Variants in UVRAG observed in about 807,000 individuals in gnomAD.
UVRAG encodes the protein UV radiation resistance-associated gene protein.
Under a neutral mutation model 78.0 loss-of-function variants are expected in UVRAG, and 19 were observed. That is an observed-to-expected ratio of 0.24 (90% CI 0.17 to 0.36). UVRAG has a LOEUF of 0.36. Ranked by LOEUF, UVRAG falls within the 10% of genes least tolerant of loss-of-function variation. The pLI, the probability that UVRAG is intolerant of heterozygous loss-of-function variation, is 1.00. For missense variants in UVRAG, 740 were observed against 853.8 expected (o/e 0.87, Z 1.66); for synonymous variants, 323 against 324.6 (o/e 1.00, Z 0.05).
At chr11:75,862,358 T>C (rs989270702) in intron 3 of UVRAG, among the ~76,000 whole-genome samples, 3 of 152,226 alleles carry the variant, frequency 2.0e-5, no homozygotes, top group Non-Finnish European at 4.4e-5. Context: ...AATATCCTAC[T>C]TTTGATAATG....
At chr11:75,855,788 C>A (rs1217866179) in intron 2 of UVRAG, among the ~76,000 whole-genome samples, 1 of 152,098 alleles carries the variant, frequency 6.6e-6, no homozygotes, top group Non-Finnish European at 1.5e-5. Context: ...AAATTTACAG[C>A]AGATCCAAAG....
intron 8 of UVRAG, among the ~76,000 whole-genome samples, chr11:75,999,216 G>A (rs1173249967): frequency 2.2e-5 from 3 of 139,374 alleles, no homozygotes; most frequent in Non-Finnish European, 4.6e-5. Context: ...CTGGGTGACC[G>A]GGCAAGACTC....
chr11:76,005,992 T>G lies in UVRAG; in HGVS notation c.912-1542T>G, dbSNP rs531133580. ...TCATTAGATCTTGTTGTGCAAGATCTCCAGCCCTCTTCTCAGAGTTTGGTG... is the reference window on the plus strand; with the variant it reads ...TCATTAGATCTTGTTGTGCAAGATCGCCAGCCCTCTTCTCAGAGTTTGGTG... On this transcript the variant is annotated intron_variant, in intron 9 of 14. Coordinates refer to ENST00000356136, the MANE Select transcript of UVRAG (RefSeq NM_003369.4). Among the ~76,000 whole-genome samples, 89 of 152,256 alleles carry G rather than the reference T, an allele frequency of 5.8e-4. No individual in the cohort carries two copies. The South Asian group carries it at 0.018, about 30-fold the overall frequency.
chr11:75,991,751 A>G (rs534392910), intron 8 of UVRAG, among the ~76,000 whole-genome samples: 3 of 152,220 alleles, frequency 2.0e-5, no homozygotes, highest in South Asian at 2.1e-4. Flanking sequence ...TAGTTCTTTA[A>G]CTGTTTCTGG....
chr11:75,876,327 G>GCT (rs1298843879), intron 3 of UVRAG, among the ~76,000 whole-genome samples: 2 of 152,142 alleles, frequency 1.3e-5, no homozygotes, highest in Admixed American at 1.3e-4. Flanking sequence ...AATTGCCAGT[G>GCT]CTCTCCATTC....
intron 1 of UVRAG, among the ~76,000 whole-genome samples, chr11:75,833,178 A>G (rs2135825645): frequency 6.6e-6 from 1 of 152,328 alleles, no homozygotes; most frequent in South Asian, 2.1e-4. Flanking sequence ...TCTGTTTTTC[A>G]GAACACCTGT....
chr11:75,966,384 A>T (rs1949023132), intron 7 of UVRAG, among the ~76,000 whole-genome samples: 1 of 152,158 alleles, frequency 6.6e-6, no homozygotes, highest in Non-Finnish European at 1.5e-5. Flanking sequence ...TAGTAGGATT[A>T]TGGTAGCCTG....
intron 6 of UVRAG, among the ~76,000 whole-genome samples, chr11:75,925,142 A>C (rs1395054504): frequency 1.3e-5 from 2 of 152,196 alleles, no homozygotes; most frequent in Non-Finnish European, 2.9e-5. Context: ...TCACTGTCAC[A>C]TCTCTCATAG....
intron 5 of UVRAG, chr11:75,892,493 C>T: frequency 1.2e-6 from 1 of 811,674 alleles, no homozygotes; most frequent in Non-Finnish European, 1.5e-6. Context: ...TTATTTAAAC[C>T]TCACACTTGG....
intron 6 of UVRAG, among the ~76,000 whole-genome samples, chr11:75,912,311 TC>T (rs1947757277): frequency 6.6e-6 from 1 of 152,364 alleles, no homozygotes; most frequent in African/African-American, 2.4e-5. Flanking sequence ...TTTCTGGTCT[TC>T]TGTACCCTAC....
At chr11:75,998,297 A>G (rs1377025409) in intron 8 of UVRAG, among the ~76,000 whole-genome samples, 1 of 152,214 alleles carries the variant, frequency 6.6e-6, no homozygotes, top group Non-Finnish European at 1.5e-5. Flanking sequence ...TCACTTATTC[A>G]TGGGTTTGAA....
chr11:76,017,629 A>G (rs1950173904), intron 12 of UVRAG, among the ~76,000 whole-genome samples: 1 of 152,182 alleles, frequency 6.6e-6, no homozygotes, highest in Admixed American at 6.5e-5. Context: ...AAGTGAAAAT[A>G]CTAAAAGCAA....
At chr11:75,913,674 A>C (rs147741071) in intron 6 of UVRAG, among the ~76,000 whole-genome samples, 1 of 152,292 alleles carries the variant, frequency 6.6e-6, no homozygotes, top group Non-Finnish European at 1.5e-5. Context: ...CTGAGGGCAC[A>C]CAGCAAGTAA....
intron 7 of UVRAG, among the ~76,000 whole-genome samples, chr11:75,978,316 C>CA (rs1949300076): frequency 6.6e-6 from 1 of 152,100 alleles, no homozygotes; most frequent in African/African-American, 2.4e-5. Context: ...TCCTTCATTT[C>CA]AACTTTGGTG....
In UVRAG at chr11:75,922,975, GA is replaced by G. The variant is rs1221635636; in HGVS notation, c.593+10943del. On this transcript the variant is annotated intron_variant, in intron 6 of 14. Transcript: ENST00000356136. ...AAGAAAAACGAACATATATATATAA[GA>G]AAAAAATATATATACATATATTTTT... Among the ~76,000 whole-genome samples the G allele has an allele frequency of 1.2e-3, 170 of 142,942 alleles. 1 individual carries two copies. The highest frequency in any genetic ancestry group is 4.0e-3 in the African/African-American group (153 of 38,702). 93.8% of individuals were successfully genotyped at this position (142,942 alleles called of 152,430 possible). A position where few individuals can be genotyped will look rare whatever the true frequency, so the allele number is the denominator to read the frequency against.
intron 6 of UVRAG, among the ~76,000 whole-genome samples, chr11:75,923,438 T>G (rs1239172521): frequency 6.6e-6 from 1 of 152,228 alleles, no homozygotes; most frequent in Non-Finnish European, 1.5e-5. Flanking sequence ...TCCATCTTAT[T>G]CTATGATCCT....
rs373653993 is a variant in UVRAG at position 76,140,843 on chromosome 11, G to A, written c.1530G>A (p.Glu510=). Residue 510 remains glutamate (E), a synonymous_variant, in exon 15 of 15, where the codon GAG becomes GAA. Coordinates refer to ENST00000356136, the MANE Select transcript of UVRAG (RefSeq NM_003369.4). ...GACATCGAAAACGGGCCAGCTCTGA[G>A]AATGAGAGACTTCAGTACAAAACCC... ...DKGHRKRASS[E]NERLQYKTPP... The A allele has an allele frequency of 9.5e-5, 154 of 1,614,024 alleles. 2 individuals carry two copies. The Admixed American group carries it at 1.1e-3, about 12-fold the overall frequency.
chr11:75,868,481 A>C (rs939186408), intron 3 of UVRAG, among the ~76,000 whole-genome samples: 1 of 152,238 alleles, frequency 6.6e-6, no homozygotes, highest in Non-Finnish European at 1.5e-5. Context: ...TTTGGAAGGC[A>C]TAGCATTACA....
intron 13 of UVRAG, among the ~76,000 whole-genome samples, chr11:76,076,442 C>G (rs1276364037): frequency 6.6e-6 from 1 of 152,168 alleles, no homozygotes; most frequent in African/African-American, 2.4e-5. Context: ...CACATCAGAT[C>G]TTGTGAGACT....
Sources: gnomAD v4.1 joint callset for allele counts (sites outside exome capture counted in the v4.1 genomes callset) on GRCh38, gnomAD v4.1.1 for gene constraint, MANE v1.5 for transcripts, NCBI Gene and HGNC (gene_info 2026-07-23, HGNC 2026-07-21) for gene names.